The following ANK2 variants were observed in gnomAD, a reference collection of about 807,000 sequenced individuals.
ANK2 encodes the protein ankyrin-2.
In ANK2, 83 loss-of-function variants were observed where a neutral mutation model predicts 360.5. The ratio of observed to expected loss-of-function variants is 0.23; its 90% CI spans 0.19 to 0.28. The LOEUF (loss-of-function observed/expected upper bound fraction) is 0.28. Ranked by LOEUF, ANK2 falls within the 10% of genes least tolerant of loss-of-function variation. ANK2 has a pLI of 1.00. For synonymous variants in ANK2, 1,740 were observed against 1,759.5 expected (o/e 0.99, Z 0.28); for missense variants, 4,201 against 4,795.7 (o/e 0.88, Z 3.66).
chr4:112,921,496 C>T (rs2091515108), intron 2 of ANK2, among the ~76,000 whole-genome samples: 2 of 142,582 alleles, frequency 1.4e-5, no homozygotes, highest in African/African-American at 2.6e-5. Context: ...GGGGTCTTGC[C>T]ATATTGCCCA....
chr4:112,965,337 T>G (rs2036783255), intron 2 of ANK2, among the ~76,000 whole-genome samples: 1 of 152,236 alleles, frequency 6.6e-6, no homozygotes, highest in Non-Finnish European at 1.5e-5. Flanking sequence ...TTGTCTATTT[T>G]AAAATCAGAT....
the ANK2 span, among the ~76,000 whole-genome samples, chr4:112,722,688 A>C: frequency 6.6e-6 from 1 of 152,210 alleles, no homozygotes; most frequent in Admixed American, 6.5e-5. Flanking sequence ...GGTGGTGGCA[A>C]AAGGTCTTTC....
At chr4:112,814,668 GT>G (rs1235613110), upstream of ANK2, among the ~76,000 whole-genome samples, 1 of 152,078 alleles carries the variant, frequency 6.6e-6, no homozygotes, top group Non-Finnish European at 1.5e-5. Flanking sequence ...GGCTGAGAGA[GT>G]TTTAAGTAAG....
At chr4:112,759,383 G>A in the ANK2 span, among the ~76,000 whole-genome samples, 1 of 152,160 alleles carries the variant, frequency 6.6e-6, no homozygotes, top group East Asian at 1.9e-4. Context: ...GGCTTCAAGC[G>A]ATCCTCCTGC....
chr4:113,323,120 TAG>T (rs2087348173), intron 26 of ANK2, among the ~76,000 whole-genome samples: 5 of 152,194 alleles, frequency 3.3e-5, no homozygotes, highest in Admixed American at 3.3e-4. Flanking sequence ...GAGTGAAAGG[TAG>T]AACTATAATG....
intron 2 of ANK2, among the ~76,000 whole-genome samples, chr4:113,007,857 A>G (rs2053435832): frequency 6.6e-6 from 1 of 152,138 alleles, no homozygotes; most frequent in African/African-American, 2.4e-5. Context: ...ATATGAAACC[A>G]TATTGTATTG....
intron 2 of ANK2, among the ~76,000 whole-genome samples, chr4:112,934,841 A>G (rs1459677642): frequency 6.6e-6 from 1 of 152,226 alleles, no homozygotes; most frequent in Non-Finnish European, 1.5e-5. Context: ...AAAGAAAAAT[A>G]CATGAGAGTG....
At chr4:113,186,372 G>T (rs565476026) in intron 2 of ANK2, among the ~76,000 whole-genome samples, 2 of 151,938 alleles carry the variant, frequency 1.3e-5, no homozygotes, top group Non-Finnish European at 2.9e-5. Context: ...CAAAAAGGAC[G>T]TCCACACAAA....
At chr4:113,109,310 T>C (rs1211392689) in intron 1 of ANK2, among the ~76,000 whole-genome samples, 1 of 152,230 alleles carries the variant, frequency 6.6e-6, no homozygotes, top group Non-Finnish European at 1.5e-5. Flanking sequence ...TCTTTTGTTG[T>C]TTCTGCTGTA....
chr4:112,919,581 C>G (rs1178510362), intron 2 of ANK2, among the ~76,000 whole-genome samples: 2 of 152,064 alleles, frequency 1.3e-5, no homozygotes, highest in Non-Finnish European at 2.9e-5. Context: ...TCAATATTCT[C>G]TTTATTTTTC....
At chr4:113,042,380 T>C (rs2063180812) in intron 2 of ANK2, among the ~76,000 whole-genome samples, 1 of 152,186 alleles carries the variant, frequency 6.6e-6, no homozygotes, top group Non-Finnish European at 1.5e-5. Context: ...GTGGGACTTC[T>C]CAGCCTCTGC....
intron 1 of ANK2, among the ~76,000 whole-genome samples, chr4:112,873,720 A>AT (rs2074061762): frequency 7.6e-6 from 1 of 131,890 alleles, no homozygotes; most frequent in African/African-American, 2.9e-5. Context: ...TTTTTTTTGT[A>AT]TTTTTGGTAG....
chr4:113,378,715 T>A (rs1304566227), intron 45 of ANK2, among the ~76,000 whole-genome samples: 1 of 152,166 alleles, frequency 6.6e-6, no homozygotes, highest in Non-Finnish European at 1.5e-5. Context: ...GGGGCTTTAA[T>A]GAGTTAAGCA....
At chr4:113,243,561 G>A (rs1045919711) in intron 9 of ANK2, among the ~76,000 whole-genome samples, 2 of 152,266 alleles carry the variant, frequency 1.3e-5, no homozygotes, top group African/African-American at 4.8e-5. Flanking sequence ...TCAAATCTTT[G>A]CTGTGGTGTC....
the ANK2 span, among the ~76,000 whole-genome samples, chr4:112,789,465 G>C: frequency 6.8e-6 from 1 of 147,858 alleles, no homozygotes; most frequent in South Asian, 2.2e-4. Context: ...TATGATTTGA[G>C]ACCAAGGAGG....
intron 2 of ANK2, among the ~76,000 whole-genome samples, chr4:112,913,429 A>G (rs2088479533): frequency 6.6e-6 from 1 of 152,204 alleles, no homozygotes; most frequent in Admixed American, 6.5e-5. Flanking sequence ...CCTCCTGTAC[A>G]CAGTATATTT....
the ANK2 span, among the ~76,000 whole-genome samples, chr4:112,793,887 A>T: frequency 6.6e-6 from 1 of 151,726 alleles, no homozygotes; most frequent in African/African-American, 2.4e-5. Flanking sequence ...TTTGGTAGAG[A>T]TGGGGTTTCA....
chr4:112,872,654 G>T (rs979972485), intron 1 of ANK2, among the ~76,000 whole-genome samples: 3 of 152,142 alleles, frequency 2.0e-5, no homozygotes, highest in Non-Finnish European at 4.4e-5. Flanking sequence ...ATTCTTAAGG[G>T]ATATTCTTCT....
rs45502093 is a variant in ANK2, at chr4:113,199,128, C to T, written c.384+19C>T. The T allele has an allele frequency of 0.034, 52,456 of 1,559,470 alleles. 1,006 individuals are homozygous for T. The highest frequency in any genetic ancestry group is 0.05 in the East Asian group (2,248 of 44,532). On this transcript the variant is annotated intron_variant, in intron 4 of 45. Transcript: ENST00000357077. ...GTCTCAGGTATTCCATTCAGATTTT[C>T]CCTGATGTACATACATTTAAATTAG... is the stretch of plus-strand genomic sequence containing the variant.
Sources: gnomAD v4.1 joint callset for allele counts (sites outside exome capture counted in the v4.1 genomes callset) on GRCh38, gnomAD v4.1.1 for gene constraint, MANE v1.5 for transcripts, NCBI Gene and HGNC (gene_info 2026-07-23, HGNC 2026-07-21) for gene names.